CASP6: variants seen among roughly 807,000 people sequenced by gnomAD.
CASP6 encodes the protein caspase 6.
In CASP6, 20 loss-of-function variants were observed where a neutral mutation model predicts 31.8. The observed-to-expected ratio is 0.63, with a 90% CI of 0.44 to 0.91. The LOEUF (loss-of-function observed/expected upper bound fraction) is 0.91, where lower values mean the gene tolerates loss of function less well. Among genes scored for constraint, CASP6 ranks in the 40% least tolerant of loss-of-function variants. The pLI is 0.00. For synonymous variants in CASP6, 130 were observed against 127.8 expected, an observed-to-expected ratio of 1.02 and a Z score of -0.12; for missense variants, 328 against 361.1, an observed-to-expected ratio of 0.91 and a Z score of 0.74.
downstream of CASP6, chr4:109,684,526 T>TG (rs1385399128): frequency 6.2e-7 from 1 of 1,613,762 alleles, no homozygotes; most frequent in Non-Finnish European, 8.5e-7. Flanking sequence ...CCATTCAGGG[T>TG]GGGGCACTGG....
upstream of CASP6, chr4:109,703,698 C>T (rs1399250664): frequency 8.3e-6 from 4 of 482,502 alleles, no homozygotes; most frequent in Admixed American, 3.7e-5. Flanking sequence ...ATGCCAGTTG[C>T]CACCCGGGGG....
chr4:109,694,406 T>C, intron 5 of CASP6, 119 bp downstream of exon 5: 2 of 861,600 alleles, frequency 2.3e-6, no homozygotes, highest in Non-Finnish European at 3.5e-6. Flanking sequence ...TTGGCCAGAA[T>C]TCAAAAACGG....
downstream of CASP6, chr4:109,684,342 G>A (rs1254076135): frequency 6.8e-6 from 6 of 888,514 alleles, no homozygotes; most frequent in Non-Finnish European, 6.8e-6. Flanking sequence ...GATTACAGGC[G>A]TGAGCCACCG....
upstream of CASP6, among the ~76,000 whole-genome samples, chr4:109,705,999 AAAATATATAT>A (rs1361763874): frequency 2.8e-5 from 1 of 36,014 alleles, no homozygotes; most frequent in Admixed American, 4.0e-4. Flanking sequence ...AAAAAAAAAA[AAAATATATAT>A]ATATATATAT....
At chr4:109,696,007 G>T (rs1730228646) in intron 4 of CASP6, among the ~76,000 whole-genome samples, 1 of 152,146 alleles carries the variant, frequency 6.6e-6, no homozygotes. Flanking sequence ...GACGCTGTGA[G>T]AATTAAAGGA....
At chr4:109,678,726 C>T in the CASP6 span, among the ~76,000 whole-genome samples, 21 of 143,646 alleles carry the variant, frequency 1.5e-4, no homozygotes, top group African/African-American at 2.4e-4. Context: ...CAAGCAGAGG[C>T]GCTCCCCACA....
the CASP6 span, chr4:109,673,989 G>A: frequency 1.0e-6 from 1 of 990,020 alleles, no homozygotes. Flanking sequence ...ACAAACTGAA[G>A]AGCAGGGGAA....
the CASP6 span, among the ~76,000 whole-genome samples, chr4:109,675,280 T>C: frequency 6.6e-6 from 1 of 152,352 alleles, no homozygotes; most frequent in Middle Eastern, 3.4e-3. Context: ...TTCGTGCCAC[T>C]TGACAAAGAC....
At chr4:109,692,633 C>T (rs773051083) in intron 5 of CASP6, 5 of 152,184 alleles carry the variant, frequency 3.3e-5, no homozygotes, top group Admixed American at 6.5e-5. Flanking sequence ...CTCATGGGTG[C>T]CCCTCGGTTT....
Position 109,692,113 on chromosome 4 carries a change from G to A in CASP6, c.484-1104C>T, listed in dbSNP as rs1042655219. On this transcript the variant is annotated intron_variant, in intron 5 of 6. Transcript: ENST00000265164. ...ATTATGAGCATCAAAAGAAAGTCCT[G>A]AATGATTTCAAATCATAAAATAAAT... 4 of 152,298 alleles carry A rather than the reference G, an allele frequency of 2.6e-5. No homozygotes were observed. In the East Asian group the frequency reaches 7.7e-4, roughly 29 times the overall value. 9.4% of individuals were successfully genotyped at this position (152,298 alleles called of 1,614,324 possible). A position where few individuals can be genotyped will look rare whatever the true frequency, so the allele number is the denominator to read the frequency against.
the CASP6 span, among the ~76,000 whole-genome samples, chr4:109,678,572 T>C: frequency 7.4e-6 from 1 of 135,834 alleles, no homozygotes; most frequent in Non-Finnish European, 1.5e-5. Context: ...GCAGAGGAGC[T>C]CCTCACCTCC....
At chr4:109,705,027 T>C (rs1205136755), upstream of CASP6, among the ~76,000 whole-genome samples, 1 of 152,198 alleles carries the variant, frequency 6.6e-6, no homozygotes, top group Non-Finnish European at 1.5e-5. Flanking sequence ...CTTAAATGTA[T>C]ATGAAACGGC....
At chr4:109,688,031 T>A (rs1018719576), downstream of CASP6, 1 of 154,346 alleles carries the variant, frequency 6.5e-6, no homozygotes, top group African/African-American at 2.4e-5. Context: ...ATTAACTTCT[T>A]TTTTTAATAT....
At chr4:109,695,360 T>A (rs1312953887) in intron 4 of CASP6, among the ~76,000 whole-genome samples, 2 of 152,152 alleles carry the variant, frequency 1.3e-5, no homozygotes, top group Non-Finnish European at 2.9e-5. Flanking sequence ...GGCAATAAAC[T>A]AAAAATTTCC....
intron 6 of CASP6, 117 bp downstream of exon 6, chr4:109,690,733 T>C: frequency 9.7e-7 from 1 of 1,033,672 alleles, no homozygotes; most frequent in Non-Finnish European, 1.4e-6. Context: ...GTCTGTGAGC[T>C]TCAGGATGGA....
upstream of CASP6, among the ~76,000 whole-genome samples, chr4:109,707,415 T>A (rs1263555951): frequency 6.6e-6 from 1 of 151,318 alleles, no homozygotes; most frequent in East Asian, 1.9e-4. Flanking sequence ...TGAGACAGTT[T>A]AGCTGTTGTT....
At chr4:109,706,019 TATATATATATATA>T (rs1730600138), upstream of CASP6, among the ~76,000 whole-genome samples, 1 of 99,490 alleles carries the variant, frequency 1.0e-5, no homozygotes, top group African/African-American at 4.4e-5. Flanking sequence ...TATATATATA[TATATATATATATA>T]ATATATATAA....
At chr4:109,703,317 G>A in intron 1 of CASP6, 39 bp downstream of exon 1, 3 of 1,592,804 alleles carry the variant, frequency 1.9e-6, no homozygotes, top group Non-Finnish European at 2.6e-6. Flanking sequence ...GGAGCAAGAC[G>A]CAGACCTGCT....
the CASP6 span, among the ~76,000 whole-genome samples, chr4:109,671,085 C>T: frequency 1.3e-5 from 2 of 152,158 alleles, no homozygotes; most frequent in Non-Finnish European, 1.5e-5. Context: ...TTCCCTCTAA[C>T]CTTAGTTTTC....
Sources: allele counts gnomAD v4.1 joint callset (sites outside exome capture counted in the v4.1 genomes callset), GRCh38; gene constraint gnomAD v4.1.1; transcripts MANE v1.5; gene names NCBI Gene and HGNC (gene_info 2026-07-23, HGNC 2026-07-21).